Variants in MEI4 observed in about 807,000 individuals in gnomAD.
MEI4 encodes the protein meiotic double-stranded break formation protein 4.
In MEI4, 27 loss-of-function variants were observed where a neutral mutation model predicts 31.4. The ratio of observed to expected loss-of-function variants is 0.86; its 90% CI spans 0.63 to 1.19. MEI4 has a LOEUF of 1.19. Ranked by LOEUF, MEI4 falls within the 50% of genes most tolerant of loss-of-function variation. The pLI is 0.00. For missense variants in MEI4, 329 were observed against 398.9 expected (o/e 0.82, Z 1.49); for synonymous variants, 122 against 145.4 (o/e 0.84, Z 1.16).
chr6:77,890,110 G>T (rs1190497213), intron 4 of MEI4, among the ~76,000 whole-genome samples: 1 of 152,206 alleles, frequency 6.6e-6, no homozygotes, highest in Non-Finnish European at 1.5e-5. Flanking sequence ...CTCCACTGGG[G>T]CACTACCTAG....
chr6:77,745,464 A>G (rs1470433051), intron 2 of MEI4, among the ~76,000 whole-genome samples: 1 of 152,242 alleles, frequency 6.6e-6, no homozygotes, highest in Non-Finnish European at 1.5e-5. Context: ...ACCCAGATTC[A>G]TAAAGCAAGT....
intron 3 of MEI4, among the ~76,000 whole-genome samples, chr6:77,819,077 C>A (rs944059082): frequency 1.3e-5 from 2 of 151,904 alleles, no homozygotes; most frequent in African/African-American, 4.8e-5. Context: ...GTAGACATAC[C>A]GTACTTTTAT....
intron 2 of MEI4, among the ~76,000 whole-genome samples, chr6:77,704,494 C>A (rs958267495): frequency 1.3e-5 from 2 of 152,284 alleles, no homozygotes; most frequent in East Asian, 3.9e-4. Flanking sequence ...ACTTTTAGTA[C>A]TTTAAGGTGG....
chr6:77,745,800 C>G (rs1473463942), intron 2 of MEI4, among the ~76,000 whole-genome samples: 4 of 152,170 alleles, frequency 2.6e-5, no homozygotes, highest in African/African-American at 9.7e-5. Flanking sequence ...CAAACTAGAA[C>G]TCAGGCTTAA....
At chr6:77,787,912 A>G (rs879668234) in intron 3 of MEI4, among the ~76,000 whole-genome samples, 2 of 152,202 alleles carry the variant, frequency 1.3e-5, no homozygotes, top group South Asian at 2.1e-4. Flanking sequence ...TGGTTTGCCA[A>G]TATTGAGGAT....
chr6:77,895,427 A>C (rs1421292519), intron 4 of MEI4, among the ~76,000 whole-genome samples: 2 of 152,242 alleles, frequency 1.3e-5, no homozygotes, highest in African/African-American at 4.8e-5. Context: ...GGTAGCAGCC[A>C]AACAGACATT....
intron 4 of MEI4, among the ~76,000 whole-genome samples, chr6:77,840,428 A>C (rs1468687095): frequency 6.6e-6 from 1 of 152,178 alleles, no homozygotes; most frequent in African/African-American, 2.4e-5. Context: ...AATTTGTGAC[A>C]AAAGTATATT....
intron 1 of MEI4, among the ~76,000 whole-genome samples, chr6:77,668,132 A>G (rs978493079): frequency 6.6e-6 from 1 of 152,114 alleles, no homozygotes; most frequent in Admixed American, 6.6e-5. Context: ...GTTACTGCAG[A>G]GGGATTTTGA....
intron 4 of MEI4, among the ~76,000 whole-genome samples, chr6:77,841,607 G>T (rs1403741045): frequency 6.6e-6 from 1 of 151,626 alleles, no homozygotes; most frequent in Non-Finnish European, 1.5e-5. Flanking sequence ...CTCCCAAAGT[G>T]CAGGGATTAC....
At chr6:77,759,164 T>C (rs539184751) in intron 2 of MEI4, among the ~76,000 whole-genome samples, 1 of 152,192 alleles carries the variant, frequency 6.6e-6, no homozygotes, top group Non-Finnish European at 1.5e-5. Flanking sequence ...TGTATGTAAC[T>C]CTTCTTGAAA....
chr6:77,748,037 G>C (rs1304763011), intron 2 of MEI4, among the ~76,000 whole-genome samples: 2 of 152,200 alleles, frequency 1.3e-5, no homozygotes, highest in Non-Finnish European at 2.9e-5. Context: ...CTGATGCAAG[G>C]GGTGCCCATG....
At chr6:77,774,430 A>G (rs1424217721) in intron 3 of MEI4, among the ~76,000 whole-genome samples, 2 of 152,116 alleles carry the variant, frequency 1.3e-5, no homozygotes, top group Non-Finnish European at 1.5e-5. Context: ...CAAACTTCAC[A>G]TGTTCTTACT....
chr6:77,867,607 A>C (rs959020794), intron 4 of MEI4, among the ~76,000 whole-genome samples: 1 of 152,214 alleles, frequency 6.6e-6, no homozygotes, highest in Admixed American at 6.5e-5. Flanking sequence ...GAACACTTTT[A>C]CACTGTTGGT....
At chr6:77,890,602 G>A (rs537205091) in intron 4 of MEI4, among the ~76,000 whole-genome samples, 1 of 152,236 alleles carries the variant, frequency 6.6e-6, no homozygotes, top group Admixed American at 6.5e-5. Context: ...GACTTTGGGG[G>A]ACTATTGGAA....
chr6:77,731,953 T>C (rs1437874287), intron 2 of MEI4, among the ~76,000 whole-genome samples: 4 of 148,754 alleles, frequency 2.7e-5, no homozygotes, highest in Admixed American at 1.3e-4. Flanking sequence ...TGCGGCATTA[T>C]TTCTGAGGGC....
At chr6:77,759,135 G>A (rs145054898) in intron 2 of MEI4, among the ~76,000 whole-genome samples, 2 of 152,102 alleles carry the variant, frequency 1.3e-5, no homozygotes, top group East Asian at 3.9e-4. Flanking sequence ...CTATTGTTTT[G>A]GTGGATTTTT....
intron 2 of MEI4, among the ~76,000 whole-genome samples, chr6:77,732,336 T>G (rs1388569770): frequency 1.3e-5 from 2 of 152,092 alleles, no homozygotes; most frequent in Non-Finnish European, 2.9e-5. Context: ...CTTGAAAAGG[T>G]CCTTCACATC....
intron 1 of MEI4, among the ~76,000 whole-genome samples, chr6:77,655,373 A>G (rs998468818): frequency 3.9e-5 from 6 of 151,944 alleles, no homozygotes; most frequent in South Asian, 2.1e-4. Flanking sequence ...CTCTTTTTCT[A>G]TGTGTTGTCT....
Position 77,773,503 on chromosome 6 carries a change from C to T in MEI4, c.768+11838C>T, listed in dbSNP as rs564811909. On this transcript the variant is annotated intron_variant, in intron 3 of 4. Transcript: ENST00000684080. ...TATATGTAAAGGAGTGATACTAGAC[C>T]CCTATCTGTCAACATATACAAAAAT... 3.3e-5 allele frequency among the ~76,000 whole-genome samples: 5 copies of T among 152,030 alleles called. No homozygotes were observed. In the East Asian group the frequency reaches 5.8e-4, roughly 18 times the overall value.
Sources: gnomAD v4.1 joint callset for allele counts (sites outside exome capture counted in the v4.1 genomes callset) on GRCh38, gnomAD v4.1.1 for gene constraint, MANE v1.5 for transcripts, NCBI Gene and HGNC (gene_info 2026-07-23, HGNC 2026-07-21) for gene names.